Variants in PAPLN observed in about 807,000 individuals in gnomAD.
PAPLN encodes papilin, proteoglycan like sulfated glycoprotein.
In PAPLN, 146 loss-of-function variants were observed where a neutral mutation model predicts 159.0. The ratio of observed to expected loss-of-function variants is 0.92; its 90% CI spans 0.80 to 1.05. PAPLN has a LOEUF of 1.05. Among genes scored for constraint, PAPLN ranks in the 50% least tolerant of loss-of-function variants. The pLI is 0.00. For missense variants in PAPLN, 1,720 were observed against 1,743.9 expected (o/e 0.99, Z 0.24); for synonymous variants, 734 against 702.9 (o/e 1.04, Z -0.70).
At chr14:73,239,979 C>T in intron 2 of PAPLN, 147 bp downstream of exon 2, 1 of 1,405,094 alleles carries the variant, frequency 7.1e-7, no homozygotes, top group East Asian at 2.7e-5. Context: ...GCTGAGCTCC[C>T]TCAGAAAGGG....
At chr14:73,263,888 A>AC (rs375155314) in intron 20 of PAPLN, 106 bp downstream of exon 20, 36 of 911,868 alleles carry the variant, frequency 3.9e-5, no homozygotes, top group African/African-American at 6.9e-5. Context: ...GGTGTGACAG[A>AC]CCCCCTCCTC....
chr14:73,273,500 G>C lies in PAPLN; in HGVS notation c.*836G>C, dbSNP rs1353681541. ...AGACGGGGTTTCTCCATGTTGGTCA[G>C]ACTGGTCTTGAACTCCCGACCTCAG... On this transcript the variant is annotated 3_prime_UTR_variant, in exon 27 of 27. Coordinates refer to ENST00000644200, the MANE Select transcript of PAPLN (RefSeq NM_001365906.3). 1 of 151,966 alleles carries C rather than the reference G, an allele frequency of 6.6e-6. No homozygotes were observed. The highest frequency in any genetic ancestry group is 2.4e-5 in the African/African-American group (1 of 41,316). 9.4% of individuals were successfully genotyped at this position (151,966 alleles called of 1,614,324 possible).
chr14:73,263,410 C>A (rs1201103795), intron 19 of PAPLN: 2 of 591,772 alleles, frequency 3.4e-6, no homozygotes, highest in Non-Finnish European at 6.0e-6. Context: ...TACCTTGTTG[C>A]TGCTACAAGA....
chr14:73,272,372 A>G (rs1887816490), intron 26 of PAPLN, 123 bp from the exon 27 acceptor site: 2 of 907,942 alleles, frequency 2.2e-6, no homozygotes, highest in Non-Finnish European at 3.2e-6. Context: ...GGGTAAGTGC[A>G]CTTCGTTTTC....
chr14:73,242,539 GT>G (rs1345800883), intron 2 of PAPLN: 1 of 151,806 alleles, frequency 6.6e-6, no homozygotes, highest in Non-Finnish European at 1.5e-5. Context: ...GAGGCTGTGT[GT>G]GGGGGGGGCG....
rs1886313206 is a variant in PAPLN at position 73,259,471 on chromosome 14, C to G, written c.1911C>G (p.Cys637Trp). ...ACTGCAGACACAGTCCTCACGGGTG[C>G]TGCCCCGATGGCCACACGGCATCTC... ...PHDCRHSPHG[C>W]CPDGHTASLG... Residue 637 changes from cysteine to tryptophan, a missense_variant, in exon 16 of 27, where the codon TGC (cysteine) becomes TGG (tryptophan). Cys to Trp is a radical substitution (Grantham distance 215, BLOSUM62 -2). Transcript: ENST00000644200. The G allele has an allele frequency of 6.2e-7, 1 of 1,609,802 alleles. No homozygotes were observed. Among genetic ancestry groups the G allele is most frequent in the Non-Finnish European group, 8.5e-7 (1 of 1,178,466 alleles).
intron 5 of PAPLN, among the ~76,000 whole-genome samples, chr14:73,247,703 C>T (rs1353986795): frequency 4.0e-5 from 5 of 124,486 alleles, no homozygotes; most frequent in African/African-American, 3.2e-5. Context: ...TGGCTGTGGG[C>T]ATGGCCCAGT....
Position 73,268,556 on chromosome 14 carries a change from G to T in PAPLN, c.3501-1G>T. ...CTCTCCCAGTGTCCTCTCTCCTCCAGGAACGGGCTACCTGTGCAGGCTGAT... is the reference window on the plus strand; with the variant it reads ...CTCTCCCAGTGTCCTCTCTCCTCCATGAACGGGCTACCTGTGCAGGCTGAT... On this transcript the variant is annotated splice_acceptor_variant, in intron 25 of 26. Transcript: ENST00000644200. LOFTEE classifies it high-confidence loss of function. 3 of 1,610,440 alleles carry T rather than the reference G, an allele frequency of 1.9e-6. No homozygotes were observed. The highest frequency in any genetic ancestry group is 2.5e-6 in the Non-Finnish European group (3 of 1,178,026).
In PAPLN at chr14:73,262,393, C is replaced by T. The variant is rs199513457; in HGVS notation, c.2289C>T (p.Cys763=). 48 of 1,613,936 alleles carry T rather than the reference C, an allele frequency of 3.0e-5. No homozygotes were observed. The highest frequency in any genetic ancestry group is 1.7e-4 in the Middle Eastern group (1 of 6,060). The part of the protein sequence containing the change: ...RCLLPSAHGS[C]ADWAARWYFV... ...TGCTGCCCAGTGCCCATGGCTCTTG[C>T]GCAGACTGGGCTGCCCGCTGGTACT... Residue 763 remains cysteine (C), a synonymous_variant, in exon 19 of 27, where the codon TGC becomes TGT. Coordinates refer to ENST00000644200, the MANE Select transcript of PAPLN (RefSeq NM_001365906.3).
Position 73,238,132 on chromosome 14 carries a change from C to T in PAPLN, c.-7+540C>T, listed in dbSNP as rs530931639. Among the ~76,000 whole-genome samples, 23 of 152,306 alleles carry T rather than the reference C, an allele frequency of 1.5e-4. No individual in the cohort carries two copies. The East Asian group carries it at 3.9e-3, about 26-fold the overall frequency. ...GCAGAGGGGGGCCGTGGGCGGGGGC[C>T]ACGGGGACGGGCGTCTGCGGACTGC... On this transcript the variant is annotated intron_variant, in intron 1 of 26. Coordinates refer to ENST00000644200, the MANE Select transcript of PAPLN (RefSeq NM_001365906.3).
At chr14:73,264,484 T>C in intron 21 of PAPLN, 104 bp from the exon 22 acceptor site, 1 of 1,520,658 alleles carries the variant, frequency 6.6e-7, no homozygotes, top group Non-Finnish European at 8.8e-7. Context: ...GACCACCCTG[T>C]GGCCCTCATT....
chr14:73,266,257 C>G (rs1887202805), intron 23 of PAPLN, among the ~76,000 whole-genome samples: 1 of 152,150 alleles, frequency 6.6e-6, no homozygotes, highest in Admixed American at 6.5e-5. Context: ...ATTGCTTGAA[C>G]CTGGGTGGCA....
At chr14:73,260,683 T>G in intron 16 of PAPLN, 26 bp from the exon 17 acceptor site, 1 of 1,431,554 alleles carries the variant, frequency 7.0e-7, no homozygotes, top group Non-Finnish European at 9.2e-7. Context: ...GGCTGGGCAG[T>G]GAGGGGCTGT....
intron 23 of PAPLN, 62 bp from the exon 24 acceptor site, chr14:73,266,439 C>A: frequency 6.3e-7 from 1 of 1,587,344 alleles, no homozygotes; most frequent in Non-Finnish European, 8.6e-7. Context: ...GCTCGAGGGA[C>A]GGAGCTGGAG....
In PAPLN at chr14:73,262,536, C is replaced by A. The variant is rs776498825; in HGVS notation, c.2432C>A (p.Pro811His). The change falls in exon 19 of 27, where the codon CCC (proline) becomes CAC (histidine). Residue 811 changes from proline (P) to histidine (H), a missense_variant. By Grantham distance (77) the Pro-to-His change is moderately conservative. Transcript: ENST00000644200. ...AGCTGCCAGGGATCTCTCCATGGGC[C>A]CCGTCGTCCCCAGCCTGGGGCTTCT... ...MSSCQGSLHGPRRPQPGASGR... is the reference protein window; with the variant it reads ...MSSCQGSLHGHRRPQPGASGR... The A allele has an allele frequency of 3.8e-6, 6 of 1,570,590 alleles. No homozygotes were observed. Among genetic ancestry groups the A allele is most frequent in the Non-Finnish European group, 5.2e-6 (6 of 1,157,338 alleles).
At chr14:73,263,513 A>C in intron 19 of PAPLN, 132 bp from the exon 20 acceptor site, 1 of 1,184,826 alleles carries the variant, frequency 8.4e-7, no homozygotes, top group East Asian at 2.4e-5. Flanking sequence ...TGCCTCCCAT[A>C]GGGACCCTCT....
chr14:73,244,662 C>T lies in PAPLN; in HGVS notation c.73C>T (p.Gln25Ter). Reference protein sequence around the residue: ...PGSSAPKVRRQSDTWGPWSQW... With the variant: ...PGSSAPKVRR The stretch of plus-strand genomic sequence containing the variant: ...TCTGCAGGCTCCCAAGGTGAGGCGG[C>T]AGAGTGACACCTGGGGACCCTGGAG... The change falls in exon 3 of 27, where the codon CAG becomes TAG. Residue 25 changes from glutamine to a stop codon, truncating the protein, a stop_gained. Transcript: ENST00000644200. LOFTEE classifies it high-confidence loss of function. 6.3e-7 allele frequency: 1 copy of T among 1,588,774 alleles called. No homozygotes were observed. The highest frequency in any genetic ancestry group is 8.6e-7 in the Non-Finnish European group (1 of 1,168,348).
rs768458619 is a variant in PAPLN, at chr14:73,260,827, A to G, written c.2104A>G (p.Thr702Ala). Residue 702 changes from threonine (T) to alanine (A), a missense_variant and splice_region_variant, in exon 17 of 27, where the codon ACA (threonine) becomes GCA (alanine). Physicochemically the swap from Thr to Ala is moderately conservative, Grantham distance 58 (BLOSUM62 0). Transcript: ENST00000644200. ...GMPRSRAVASTVHNTHQPQAQ... is the reference protein window; with the variant it reads ...GMPRSRAVASAVHNTHQPQAQ... ...GCCCAGGTCAAGGGCAGTGGCTTCT[A>G]CAGTAAGTGTCTGGCCTGGGGGAGG... 7 of 1,498,790 alleles carry G rather than the reference A, an allele frequency of 4.7e-6. No homozygotes were observed. The South Asian group carries it at 9.6e-5, about 21-fold the overall frequency. 92.8% of individuals were successfully genotyped at this position (1,498,790 alleles called of 1,614,324 possible).
chr14:73,239,872 G>A, intron 2 of PAPLN, 40 bp downstream of exon 2: 2 of 1,528,968 alleles, frequency 1.3e-6, no homozygotes, highest in South Asian at 1.2e-5. Context: ...GGAACCTGCA[G>A]GGGAGTCGGG....
Sources: gnomAD v4.1 joint callset for allele counts (sites outside exome capture counted in the v4.1 genomes callset) on GRCh38, gnomAD v4.1.1 for gene constraint, MANE v1.5 for transcripts, NCBI Gene and HGNC (gene_info 2026-07-23, HGNC 2026-07-21) for gene names.